Variants in GLDC observed in about 807,000 individuals in gnomAD.
GLDC encodes glycine dehydrogenase (decarboxylating), mitochondrial.
Under a neutral mutation model 121.3 loss-of-function variants are expected in GLDC, and 104 were observed. That is an observed-to-expected ratio of 0.86 (90% confidence interval 0.73 to 1.01). The LOEUF (loss-of-function observed/expected upper bound fraction) is 1.01, where lower values mean the gene tolerates loss of function less well. Ranked by LOEUF, GLDC falls within the 50% of genes least tolerant of loss-of-function variation. GLDC has a pLI of 0.00. For missense variants in GLDC, 1,429 were observed against 1,306.6 expected (o/e 1.09, Z -1.44); for synonymous variants, 546 against 480.6 (o/e 1.14, Z -1.78).
chr9:6,601,941 T>G (rs1563855235), intron 8 of GLDC, among the ~76,000 whole-genome samples, 168 bp downstream of exon 8: 2 of 152,108 alleles, frequency 1.3e-5, no homozygotes, highest in East Asian at 3.8e-4. Flanking sequence ...AATACTGTAT[T>G]TTGGTTCTCA....
At position 6,587,057 on chromosome 9, in the gene GLDC, G is replaced by T; in HGVS notation, c.1850+84C>A. On this transcript the variant is annotated intron_variant, in intron 15 of 24. Coordinates refer to ENST00000321612, the MANE Select transcript of GLDC (RefSeq NM_000170.3). ...GCAAGTCACAGAATAACACAAAAAA[G>T]TTGTTGTTCTAAGCCTTTAAGTTTT... The T allele has an allele frequency of 4.5e-6, 5 of 1,113,680 alleles. No homozygotes were observed. In the East Asian group the frequency reaches 7.0e-5, roughly 16 times the overall value. The allele number at this position is 1,113,680 out of a possible 1,614,324, so 69.0% of individuals were successfully genotyped here.
chr9:6,576,232 C>T lies in GLDC; in HGVS notation c.1851-10803G>A, dbSNP rs539633056. 3.3e-5 allele frequency among the ~76,000 whole-genome samples: 5 copies of T among 152,286 alleles called. No homozygotes were observed. The South Asian group carries it at 1.0e-3, about 32-fold the overall frequency. On this transcript the variant is annotated intron_variant, in intron 15 of 24. Coordinates refer to ENST00000321612, the MANE Select transcript of GLDC (RefSeq NM_000170.3). ...CCATTGTTCTAGAGGCTGAGATGTC[C>T]AAGATCCTAGAAGCCAGCAGACTTA... is the stretch of plus-strand genomic sequence containing the variant.
intron 14 of GLDC, 98 bp from the exon 15 acceptor site, chr9:6,587,381 C>A (rs1818292507): frequency 2.2e-6 from 2 of 925,912 alleles, no homozygotes; most frequent in Admixed American, 3.7e-5. Flanking sequence ...AAGCTATGTG[C>A]CAGGCACTGT....
rs546166159 is a variant in GLDC at position 6,569,962 on chromosome 9, T to C, written c.1851-4533A>G. Among the ~76,000 whole-genome samples, 31 of 152,124 alleles carry C rather than the reference T, an allele frequency of 2.0e-4. No homozygotes were observed. The South Asian group carries it at 6.0e-3, about 30-fold the overall frequency. ...CTGCACTCCAGCCTGGGCCACAGAG[T>C]GAGACTCAGGCTCATGGCCGGGGGG... On this transcript the variant is annotated intron_variant, in intron 15 of 24. Transcript: ENST00000321612.
At chr9:6,552,680 G>A (rs1817539676) in intron 20 of GLDC, among the ~76,000 whole-genome samples, 1 of 152,162 alleles carries the variant, frequency 6.6e-6, no homozygotes. Context: ...TGGGGAGACT[G>A]CTCTAATGAG....
intron 21 of GLDC, among the ~76,000 whole-genome samples, chr9:6,548,016 G>A (rs1163962259): frequency 2.0e-5 from 3 of 151,992 alleles, no homozygotes; most frequent in African/African-American, 7.2e-5. Flanking sequence ...GTGTATGCCT[G>A]TGTTCCCAGC....
At chr9:6,624,752 T>C (rs2578270) in intron 2 of GLDC, among the ~76,000 whole-genome samples, 62,091 of 151,956 alleles carry the variant, frequency 0.41, 14,267 homozygotes, top group African/African-American at 0.63. Flanking sequence ...TTTGGGAGGC[T>C]GAGGCAGGAG....
At chr9:6,577,174 G>A (rs567234293) in intron 15 of GLDC, among the ~76,000 whole-genome samples, 16 of 152,350 alleles carry the variant, frequency 1.1e-4, no homozygotes, top group South Asian at 8.3e-4. Context: ...AGCGCCACAC[G>A]CAGAGAAATC....
At chr9:6,644,072 AG>A in intron 2 of GLDC, among the ~76,000 whole-genome samples, 1 of 151,352 alleles carries the variant, frequency 6.6e-6, no homozygotes, top group Non-Finnish European at 1.5e-5. Flanking sequence ...AGAAAAGAAA[AG>A]AAAAACCATT....
chr9:6,533,969 T>A (rs140278217), intron 24 of GLDC: 40 of 152,092 alleles, frequency 2.6e-4, no homozygotes, highest in Admixed American at 1.2e-3. Flanking sequence ...TCCCAGCACT[T>A]TGGGAGGCCG....
intron 21 of GLDC, among the ~76,000 whole-genome samples, chr9:6,547,052 T>C (rs1009148350): frequency 1.3e-5 from 2 of 152,094 alleles, no homozygotes; most frequent in African/African-American, 4.8e-5. Context: ...TATTATTAGG[T>C]ACTATATATT....
At chr9:6,621,066 A>C (rs143675348) in intron 2 of GLDC, among the ~76,000 whole-genome samples, 4 of 152,186 alleles carry the variant, frequency 2.6e-5, no homozygotes, top group African/African-American at 2.4e-5. Context: ...GATTCTTGGG[A>C]GGCTGAGGTG....
At chr9:6,590,098 G>A (rs1395451987) in intron 11 of GLDC, among the ~76,000 whole-genome samples, 1 of 151,754 alleles carries the variant, frequency 6.6e-6, no homozygotes, top group East Asian at 1.9e-4. Flanking sequence ...CATAACCTTG[G>A]ATCTGGCAAT....
intron 15 of GLDC, among the ~76,000 whole-genome samples, chr9:6,569,562 G>T (rs1302577807): frequency 6.6e-6 from 1 of 152,152 alleles, no homozygotes. Flanking sequence ...TGAGGCGGGA[G>T]AATTGCTTGA....
At chr9:6,630,595 G>C (rs1683703312) in intron 2 of GLDC, among the ~76,000 whole-genome samples, 2 of 152,178 alleles carry the variant, frequency 1.3e-5, no homozygotes, top group South Asian at 4.1e-4. Flanking sequence ...TCTGCTAGAG[G>C]GTAAGGGGAA....
rs201921746 is a variant in GLDC at position 6,534,778 on chromosome 9, T to C, written c.2849A>G (p.His950Arg). ...GGAAGATGTAACGCAGGTCAGGGAG[T>C]GTGGAGACATCTGAGACAGAGACAC... ...PRVNPLKMSP[H>R]SLTCVTSSHW... Residue 950 changes from histidine (H) to arginine (R), a missense_variant, in exon 24 of 25, where the codon CAC becomes CGC. Coordinates refer to ENST00000321612, the MANE Select transcript of GLDC (RefSeq NM_000170.3). The C allele has an allele frequency of 1.3e-6, 2 of 1,594,442 alleles. No individual in the cohort carries two copies. Among genetic ancestry groups the C allele is most frequent in the Non-Finnish European group, 1.7e-6 (2 of 1,162,454 alleles).
intron 15 of GLDC, among the ~76,000 whole-genome samples, chr9:6,585,860 GTATGTATGTATC>G (rs1160138062): frequency 3.0e-4 from 35 of 116,678 alleles, no homozygotes; most frequent in African/African-American, 1.1e-3. Flanking sequence ...ATGTATGTAT[GTATGTATGTATC>G]TATCTATCTA....
chr9:6,638,491 G>A (rs2918183), intron 2 of GLDC, among the ~76,000 whole-genome samples: 46,344 of 151,836 alleles, frequency 0.31, 7,561 homozygotes, highest in East Asian at 0.51. Flanking sequence ...CTGGGATTAT[G>A]GGCGTGAGTC....
In GLDC at chr9:6,629,950, TA is replaced by T. The variant is rs1240649460; in HGVS notation, c.335-9632del. On this transcript the variant is annotated intron_variant, in intron 2 of 24. Coordinates refer to ENST00000321612, the MANE Select transcript of GLDC (RefSeq NM_000170.3). ...TTCACTATATATATATATATGTATA[TA>T]TATATATTTTTTTTTTTTAAGAGAG... Among the ~76,000 whole-genome samples, 560 of 75,548 alleles carry T rather than the reference TA, an allele frequency of 7.4e-3. 25 individuals carry two copies. Among genetic ancestry groups the T allele is most frequent in the African/African-American group, 0.042 (519 of 12,436 alleles). The allele number at this position is 75,548 out of a possible 152,430, so 49.6% of individuals were successfully genotyped here. A position where few individuals can be genotyped will look rare whatever the true frequency, so the allele number is the denominator to read the frequency against.
Sources: allele counts gnomAD v4.1 joint callset (sites outside exome capture counted in the v4.1 genomes callset), GRCh38; gene constraint gnomAD v4.1.1; transcripts MANE v1.5; gene names NCBI Gene and HGNC (gene_info 2026-07-23, HGNC 2026-07-21).